The following NUP42 variants were observed in gnomAD, a reference collection of about 807,000 sequenced individuals.
NUP42 encodes the protein nucleoporin 42.
NUP42 carries 47 observed loss-of-function variants against 35.9 expected under a neutral mutation model. The ratio of observed to expected loss-of-function variants is 1.31; its 90% CI spans 1.04 to 1.67. The LOEUF (loss-of-function observed/expected upper bound fraction) is 1.67, where lower values mean the gene tolerates loss of function less well. NUP42 is among the 40% of genes most tolerant of loss of function. The pLI is 0.00. For missense variants in NUP42, 514 were observed against 492.2 expected (o/e 1.04, Z -0.42); for synonymous variants, 173 against 173.3 (o/e 1.00, Z 0.01).
chr7:23,193,718 C>A (rs986103504), intron 3 of NUP42, among the ~76,000 whole-genome samples: 3 of 152,228 alleles, frequency 2.0e-5, no homozygotes, highest in Admixed American at 2.0e-4. Flanking sequence ...GCCAGTCCCG[C>A]GGTGTGTGCC....
In NUP42 at chr7:23,188,000, A is replaced by ATTTTT. The variant is rs770824203; in HGVS notation, c.445+856_445+860dup. 3 of 974,670 alleles carry ATTTTT rather than the reference A, an allele frequency of 3.1e-6. No homozygotes were observed. The African/African-American group carries it at 5.5e-5, about 18-fold the overall frequency. 60.4% of individuals were successfully genotyped at this position (974,670 alleles called of 1,614,324 possible). On this transcript the variant is annotated intron_variant, in intron 3 of 6. Transcript: ENST00000258742. Reference sequence around the variant, plus strand: ...TAGAATATTCTCTCTCTCTTTTTTTATTTTTTATTTTTATTTTTTTTTTTG... The same window carrying ATTTTT: ...TAGAATATTCTCTCTCTCTTTTTTTATTTTTTTTTTTATTTTTATTTTTTTTTTTG...
At chr7:23,183,966 T>C (rs973179848) in intron 1 of NUP42, among the ~76,000 whole-genome samples, 3 of 151,606 alleles carry the variant, frequency 2.0e-5, no homozygotes, top group Admixed American at 2.0e-4. Context: ...ATTCTAACTT[T>C]TAATATAATT....
chr7:23,183,371 C>A (rs1048355160), intron 1 of NUP42, among the ~76,000 whole-genome samples: 1 of 152,152 alleles, frequency 6.6e-6, no homozygotes, highest in African/African-American at 2.4e-5. Context: ...GGGTGCCCGC[C>A]ACCATGCCCT....
intron 3 of NUP42, among the ~76,000 whole-genome samples, chr7:23,191,963 T>TA (rs1179910993): frequency 3.3e-5 from 5 of 151,750 alleles, no homozygotes; most frequent in Non-Finnish European, 2.9e-5. Flanking sequence ...GTCTCAAAAA[T>TA]AAAAAACAAG....
chr7:23,188,081 G>A (rs781537352), intron 3 of NUP42: 13 of 1,434,878 alleles, frequency 9.1e-6, no homozygotes, highest in East Asian at 2.8e-5. Context: ...GCTTTCCCAA[G>A]CCCACTCTGG....
chr7:23,193,871 C>T (rs1265328843), intron 3 of NUP42, among the ~76,000 whole-genome samples: 1 of 152,250 alleles, frequency 6.6e-6, no homozygotes, highest in Non-Finnish European at 1.5e-5. Flanking sequence ...GTCCCGAGCC[C>T]TGCCCCGCAG....
chr7:23,186,082 A>G (rs537938470), intron 2 of NUP42, among the ~76,000 whole-genome samples: 1 of 152,370 alleles, frequency 6.6e-6, no homozygotes, highest in African/African-American at 2.4e-5. Context: ...GGATTATCCT[A>G]TTCAAACTGA....
chr7:23,191,031 G>A (rs1248964024), intron 3 of NUP42, among the ~76,000 whole-genome samples: 1 of 152,204 alleles, frequency 6.6e-6, no homozygotes, highest in Non-Finnish European at 1.5e-5. Flanking sequence ...TATCAGTTAT[G>A]GGAAGATTTG....
chr7:23,198,216 T>TC (rs1002303205), intron 5 of NUP42: 2 of 137,076 alleles, frequency 1.5e-5, no homozygotes, highest in Non-Finnish European at 3.1e-5. Context: ...TTTTTTTTTT[T>TC]TTTTTTTTTT....
At chr7:23,182,742 C>CAAAAAAAAAAAA (rs60397960) in intron 1 of NUP42, among the ~76,000 whole-genome samples, 6 of 74,124 alleles carry the variant, frequency 8.1e-5, no homozygotes, top group Non-Finnish European at 1.2e-4. Context: ...CTAAAAATAC[C>CAAAAAAAAAAAA]AAAAAAAAAA....
intron 3 of NUP42, chr7:23,187,927 A>C (rs1785651536): frequency 3.3e-3 from 1,215 of 366,668 alleles, no homozygotes; most frequent in East Asian, 6.9e-3. Context: ...TTGCTTTAGA[A>C]TATTCTCTGT....
At chr7:23,186,991 A>G (rs1785615606) in intron 2 of NUP42, 61 bp from the exon 3 acceptor site, 1 of 1,149,100 alleles carries the variant, frequency 8.7e-7, no homozygotes, top group African/African-American at 1.6e-5. Context: ...ACCATTAACA[A>G]TAAATTTTAC....
chr7:23,186,153 A>G (rs547912102), intron 2 of NUP42, among the ~76,000 whole-genome samples: 7 of 152,332 alleles, frequency 4.6e-5, no homozygotes, highest in Non-Finnish European at 7.3e-5. Flanking sequence ...GAGAATATTT[A>G]TGGTAAAATT....
At chr7:23,187,933 T>TGGGTGGGG in intron 3 of NUP42, 1 of 485,548 alleles carries the variant, frequency 2.1e-6, no homozygotes. Context: ...TAGAATATTC[T>TGGGTGGGG]CTGTCTCTCT....
At chr7:23,184,313 C>G (rs973293590) in intron 1 of NUP42, among the ~76,000 whole-genome samples, 1 of 152,090 alleles carries the variant, frequency 6.6e-6, no homozygotes, top group Admixed American at 6.5e-5. Flanking sequence ...CTTTCATATT[C>G]GAGAAACTTT....
At chr7:23,184,920 C>T (rs950337098) in intron 1 of NUP42, 150 bp from the exon 2 acceptor site, 10 of 614,822 alleles carry the variant, frequency 1.6e-5, no homozygotes, top group Admixed American at 3.1e-5. Flanking sequence ...GTGGGAGGAT[C>T]GATTGAGCTT....
At chr7:23,188,355 TGAGG>T (rs142980039) in intron 3 of NUP42, 54,750 of 1,122,874 alleles carry the variant, frequency 0.049, 2,095 homozygotes, top group African/African-American at 0.18. Flanking sequence ...CTTACATTCT[TGAGG>T]GAGGAAAACA....
intron 2 of NUP42, 21 bp downstream of exon 2, chr7:23,185,319 A>G: frequency 2.0e-6 from 3 of 1,520,310 alleles, no homozygotes; most frequent in Non-Finnish European, 2.7e-6. Context: ...GTTTTCAGGA[A>G]AATTACTATC....
intron 5 of NUP42, chr7:23,197,274 C>T (rs981760071): frequency 1.1e-5 from 12 of 1,118,492 alleles, no homozygotes; most frequent in Non-Finnish European, 1.4e-5. Flanking sequence ...TGTTTCTACA[C>T]CCATTAAAAA....
Sources: gnomAD v4.1 joint callset for allele counts (sites outside exome capture counted in the v4.1 genomes callset) on GRCh38, gnomAD v4.1.1 for gene constraint, MANE v1.5 for transcripts, NCBI Gene and HGNC (gene_info 2026-07-23, HGNC 2026-07-21) for gene names.